SLC29A3: variants seen among roughly 807,000 people sequenced by gnomAD.
SLC29A3 encodes the protein solute carrier family 29 member 3, also known as equilibrative nucleoside transporter 3.
In SLC29A3, 18 loss-of-function variants were observed where a neutral mutation model predicts 25.4. The ratio of observed to expected loss-of-function variants is 0.71; its 90% CI spans 0.49 to 1.05. The LOEUF is 1.05. SLC29A3 is among the 50% of genes least tolerant of loss of function. The probability of loss-of-function intolerance (pLI) is 0.00; values close to 1 mark genes in which losing one functional copy is unlikely to be tolerated. For synonymous variants in SLC29A3, 258 were observed against 267.1 expected, an observed-to-expected ratio of 0.97 and a Z score of 0.33; for missense variants, 586 against 609.0, an observed-to-expected ratio of 0.96 and a Z score of 0.40.
chr10:71,338,305 G>A (rs1349062815), intron 2 of SLC29A3, among the ~76,000 whole-genome samples: 2 of 152,246 alleles, frequency 1.3e-5, no homozygotes, highest in African/African-American at 2.4e-5. Context: ...CAGAGGTGGG[G>A]GCTTTTCTCT....
At chr10:71,373,422 T>C (rs1259742367) in intron 3 of SLC29A3, among the ~76,000 whole-genome samples, 2 of 152,158 alleles carry the variant, frequency 1.3e-5, no homozygotes, top group Non-Finnish European at 2.9e-5. Context: ...CTCAAGAACC[T>C]CAGGCTCTGC....
chr10:71,353,394 A>C (rs574286683), intron 4 of SLC29A3, among the ~76,000 whole-genome samples: 1 of 152,330 alleles, frequency 6.6e-6, no homozygotes, highest in Non-Finnish European at 1.5e-5. Flanking sequence ...CCATCTCAGA[A>C]GGAGGCTCTT....
intron 3 of SLC29A3, among the ~76,000 whole-genome samples, chr10:71,368,817 G>T (rs1372479865): frequency 1.3e-5 from 2 of 152,200 alleles, no homozygotes; most frequent in African/African-American, 2.4e-5. Flanking sequence ...CTGAAGGTAA[G>T]TCCAATCCCC....
At chr10:71,374,520 G>GGT (rs35500481) in intron 3 of SLC29A3, among the ~76,000 whole-genome samples, 8,254 of 151,614 alleles carry the variant, frequency 0.054, 274 homozygotes, top group African/African-American at 0.077. Flanking sequence ...TCCATGTTGG[G>GGT]GTGTGTGTGT....
At chr10:71,352,432 A>G (rs889201445) in intron 4 of SLC29A3, 1 of 152,932 alleles carries the variant, frequency 6.5e-6, no homozygotes, top group African/African-American at 2.4e-5. Context: ...ACAAAAGGCA[A>G]TTCCTGAAAC....
intron 3 of SLC29A3, chr10:71,375,668 A>T (rs1007389143): frequency 6.6e-6 from 1 of 152,230 alleles, no homozygotes; most frequent in Non-Finnish European, 1.5e-5. Flanking sequence ...TGGTACTCGG[A>T]CGTGACTAAT....
intron 3 of SLC29A3, among the ~76,000 whole-genome samples, chr10:71,350,115 C>G (rs60462341): frequency 6.6e-6 from 1 of 152,152 alleles, no homozygotes; most frequent in Non-Finnish European, 1.5e-5. Flanking sequence ...GGGTTCTCAT[C>G]CCAGCTCCCT....
chr10:71,360,391 C>T (rs1420080206), intron 5 of SLC29A3, among the ~76,000 whole-genome samples: 2 of 152,100 alleles, frequency 1.3e-5, no homozygotes, highest in East Asian at 3.9e-4. Flanking sequence ...GACCCGCCCG[C>T]CTTGGCCTCC....
intron 2 of SLC29A3, among the ~76,000 whole-genome samples, chr10:71,325,228 T>C (rs1221679575): frequency 6.6e-6 from 1 of 152,204 alleles, no homozygotes; most frequent in African/African-American, 2.4e-5. Context: ...GGCATGAATC[T>C]GCCATAGTGA....
At chr10:71,339,313 T>C (rs1846333558) in intron 2 of SLC29A3, among the ~76,000 whole-genome samples, 1 of 152,158 alleles carries the variant, frequency 6.6e-6, no homozygotes, top group Admixed American at 6.5e-5. Flanking sequence ...TTAACTGACT[T>C]TGATGCGATT....
At chr10:71,327,748 T>A (rs1308726694) in intron 2 of SLC29A3, among the ~76,000 whole-genome samples, 1 of 120,008 alleles carries the variant, frequency 8.3e-6, no homozygotes, top group Non-Finnish European at 1.6e-5. Flanking sequence ...AACACCATCT[T>A]CCTTCCTTTG....
intron 2 of SLC29A3, among the ~76,000 whole-genome samples, chr10:71,329,618 C>T (rs966980910): frequency 3.9e-5 from 6 of 152,132 alleles, no homozygotes; most frequent in Admixed American, 2.0e-4. Flanking sequence ...GGTGTGGTCG[C>T]GTGTGCCTGT....
chr10:71,374,793 A>C (rs1847238045), intron 3 of SLC29A3, among the ~76,000 whole-genome samples: 2 of 149,274 alleles, frequency 1.3e-5, no homozygotes, highest in South Asian at 2.1e-4. Context: ...CTCCATGTAA[A>C]ACCCTCTTCC....
intron 2 of SLC29A3, among the ~76,000 whole-genome samples, chr10:71,334,580 T>C (rs932266237): frequency 3.9e-5 from 6 of 152,230 alleles, no homozygotes; most frequent in African/African-American, 1.2e-4. Flanking sequence ...GAATCTCCCA[T>C]GTCTACAACA....
chr10:71,326,621 C>G (rs1218236814), intron 2 of SLC29A3, among the ~76,000 whole-genome samples: 1 of 152,256 alleles, frequency 6.6e-6, no homozygotes, highest in African/African-American at 2.4e-5. Flanking sequence ...TGTCCACTGC[C>G]AGGTCCCCGG....
In SLC29A3 at chr10:71,363,205, G is replaced by A. The variant is rs934921983; in HGVS notation, c.*597G>A. The A allele has an allele frequency of 2.2e-6, 1 of 452,318 alleles. No homozygotes were observed. 28.0% of individuals were successfully genotyped at this position (452,318 alleles called of 1,614,324 possible). A position where few individuals can be genotyped will look rare whatever the true frequency, so the allele number is the denominator to read the frequency against. Reference sequence around the variant, plus strand: ...CCTTCCATGAATGCTTCATTCCAGAGGGACCAGAGGGCCTCCCTGTGCAAG... The same window carrying A: ...CCTTCCATGAATGCTTCATTCCAGAAGGACCAGAGGGCCTCCCTGTGCAAG... On this transcript the variant is annotated 3_prime_UTR_variant, in exon 6 of 6. Transcript: ENST00000373189.
At chr10:71,375,752 AT>A (rs1158463208) in exon 4 of SLC29A3, 1 of 152,238 alleles carries the variant, frequency 6.6e-6, no homozygotes, top group Non-Finnish European at 1.5e-5. Context: ...ATAAGCTGAC[AT>A]TTAGGAAGAA....
intron 2 of SLC29A3, 107 bp downstream of exon 2, chr10:71,323,161 C>A: frequency 7.0e-7 from 1 of 1,427,838 alleles, no homozygotes; most frequent in Non-Finnish European, 9.7e-7. Flanking sequence ...CTTTAGATCA[C>A]TTACTGTTTA....
chr10:71,335,451 C>T (rs1846223754), intron 2 of SLC29A3, among the ~76,000 whole-genome samples: 1 of 152,140 alleles, frequency 6.6e-6, no homozygotes. Context: ...GCGTGGCAGT[C>T]ACAGGGAGGC....
Sources: allele counts gnomAD v4.1 joint callset (sites outside exome capture counted in the v4.1 genomes callset), GRCh38; gene constraint gnomAD v4.1.1; transcripts MANE v1.5; gene names NCBI Gene and HGNC (gene_info 2026-07-23, HGNC 2026-07-21).